Variants in MYO1F observed in about 807,000 individuals in gnomAD.
The protein encoded by MYO1F is unconventional myosin-If.
MYO1F carries 60 observed loss-of-function variants against 146.6 expected under a neutral mutation model. The ratio of observed to expected loss-of-function variants is 0.41; its 90% CI spans 0.33 to 0.51. The LOEUF is 0.51. Ranked by LOEUF, MYO1F falls within the 20% of genes least tolerant of loss-of-function variation. The pLI is 0.25. For synonymous variants in MYO1F, 602 were observed against 602.1 expected (o/e 1.00, Z 0.00); for missense variants, 1,274 against 1,534.3 (o/e 0.83, Z 2.83).
chr19:8,569,549 T>A (rs189476212), intron 1 of MYO1F, among the ~76,000 whole-genome samples: 101 of 151,914 alleles, frequency 6.6e-4, no homozygotes, highest in Non-Finnish European at 1.3e-3. Context: ...CTACTGTGCA[T>A]GGAGGTAGGT....
intron 1 of MYO1F, among the ~76,000 whole-genome samples, chr19:8,566,022 T>A (rs2041995647): frequency 6.6e-6 from 1 of 152,024 alleles, no homozygotes; most frequent in Non-Finnish European, 1.5e-5. Context: ...GGCAAGAGGA[T>A]CACTTGAGCC....
At chr19:8,573,965 A>G (rs2042156458) in intron 1 of MYO1F, among the ~76,000 whole-genome samples, 1 of 152,190 alleles carries the variant, frequency 6.6e-6, no homozygotes, top group Non-Finnish European at 1.5e-5. Context: ...AAAACCCAAC[A>G]TTGAACCAGC....
At chr19:8,540,285 T>C (rs1599945327) in intron 15 of MYO1F, 2 of 410,972 alleles carry the variant, frequency 4.9e-6, no homozygotes, top group South Asian at 6.5e-5. Context: ...CTCAAGCCAA[T>C]GTGTGAATGT....
chr19:8,563,240 G>T (rs538769857), intron 1 of MYO1F, among the ~76,000 whole-genome samples: 3 of 150,766 alleles, frequency 2.0e-5, no homozygotes, highest in African/African-American at 7.3e-5. Flanking sequence ...TGATCCACCC[G>T]CCTCGGCCTC....
intron 5 of MYO1F, 33 bp from the exon 6 acceptor site, chr19:8,553,261 C>G (rs1973691103): frequency 1.2e-6 from 2 of 1,612,436 alleles, no homozygotes; most frequent in Non-Finnish European, 1.7e-6. Flanking sequence ...GGGAAGAAGT[C>G]AGACTGAGGC....
At position 8,561,407 on chromosome 19, in the gene MYO1F, TCC is replaced by T. The variant is rs1568368788; in HGVS notation, c.4-5613_4-5612del. ...CCCCCTTCTTTCCTTCCTTCCTTTC[TCC>T]TCTCCCTCCCTTCCTTTCTCCTCTC... On this transcript the variant is annotated intron_variant, in intron 1 of 27. Coordinates refer to ENST00000644032, the MANE Select transcript of MYO1F (RefSeq NM_012335.4). 7.7e-4 allele frequency among the ~76,000 whole-genome samples: 37 copies of T among 48,094 alleles called. No homozygotes were observed. In the East Asian group the frequency reaches 0.071, roughly 93 times the overall value. The allele number at this position is 48,094 out of a possible 152,430, so 31.6% of individuals were successfully genotyped here. A position where few individuals can be genotyped will look rare whatever the true frequency, so the allele number is the denominator to read the frequency against.
rs751538870 is a variant in MYO1F at position 8,553,362 on chromosome 19, G to A, written c.402C>T (p.Gly134=). The change falls in exon 5 of 28, where the codon GGC becomes GGT. Residue 134 remains glycine (G), a synonymous_variant. Coordinates refer to ENST00000644032, the MANE Select transcript of MYO1F (RefSeq NM_012335.4). Reference sequence around the variant, plus strand: ...TTCCTCGTCTCACCTGGACCTTCTCGCCTCCGCCAGACACCTTGGAGATGT... The same window carrying A: ...TTCCTCGTCTCACCTGGACCTTCTCACCTCCGCCAGACACCTTGGAGATGT... ...MGYISKVSGG[G]EKVQHVKDII... 6 of 1,613,906 alleles carry A rather than the reference G, an allele frequency of 3.7e-6. No homozygotes were observed. The highest frequency in any genetic ancestry group is 1.6e-4 in the Middle Eastern group (1 of 6,082).
chr19:8,544,670 GTGTGGGGCTAC>G (rs1419044063), intron 13 of MYO1F, among the ~76,000 whole-genome samples: 1 of 152,002 alleles, frequency 6.6e-6, no homozygotes, highest in African/African-American at 2.4e-5. Flanking sequence ...GGGCAAGGGT[GTGTGGGGCTAC>G]TGTGGAAGCT....
intron 25 of MYO1F, among the ~76,000 whole-genome samples, chr19:8,523,409 C>T (rs963323632): frequency 1.3e-5 from 2 of 152,080 alleles, no homozygotes; most frequent in Non-Finnish European, 2.9e-5. Context: ...GTGGTACAAT[C>T]GTAGCTCACT....
rs760648457 is a variant in MYO1F, at chr19:8,536,346, C to T, written c.1949G>A (p.Arg650His). The part of the protein sequence containing the change: ...ETWPRWRGDE[R>H]QGVQHLLRAV... ...CCGAAGCAGGTGCTGGACGCCCTGGCGTTCGTCCCCACGCCACCGCGGCCA... is the reference window on the plus strand; with the variant it reads ...CCGAAGCAGGTGCTGGACGCCCTGGTGTTCGTCCCCACGCCACCGCGGCCA... Residue 650 changes from arginine to histidine, a missense_variant, in exon 19 of 28, where the codon CGC becomes CAC. Physicochemically the swap from Arg to His is conservative, Grantham distance 29. Around this residue, in one of 2 missense-constraint regions of MYO1F, gnomAD observed 900 missense variants for 1,155.1 expected, o/e 0.78. Transcript: ENST00000644032. 16 of 1,605,900 alleles carry T rather than the reference C, an allele frequency of 1.0e-5. No homozygotes were observed. Among genetic ancestry groups the T allele is most frequent in the African/African-American group, 2.7e-5 (2 of 74,416 alleles).
intron 16 of MYO1F, 136 bp from the exon 17 acceptor site, chr19:8,537,191 G>A: frequency 1.5e-6 from 1 of 668,524 alleles, no homozygotes; most frequent in South Asian, 1.6e-5. Flanking sequence ...TAAGCCACAG[G>A]GGCCAGATGT....
At chr19:8,544,256 C>T in intron 14 of MYO1F, 41 bp downstream of exon 14, 2 of 1,608,906 alleles carry the variant, frequency 1.2e-6, no homozygotes, top group Middle Eastern at 1.8e-4. Flanking sequence ...CCCTGGGGGT[C>T]TGCGAGGAGG....
intron 14 of MYO1F, among the ~76,000 whole-genome samples, chr19:8,542,604 C>CTT (rs61078650): frequency 1.5e-5 from 2 of 136,890 alleles, no homozygotes; most frequent in Non-Finnish European, 3.2e-5. Context: ...TGTTTGTTTG[C>CTT]TTTTTTTTTT....
In MYO1F at chr19:8,530,221, A is replaced by G. The variant is rs1972424049; in HGVS notation, c.2303T>C (p.Val768Ala). The G allele has an allele frequency of 6.2e-7, 1 of 1,613,876 alleles. No homozygotes were observed. Among genetic ancestry groups the G allele is most frequent in the African/African-American group, 1.3e-5 (1 of 74,868 alleles). ...KRERVDFADS[V>A]TKYDRRFKPI... ...CTTGAAGCGGCGGTCGTACTTGGTG[A>G]CCGAATCGGCGAAGTCCACCCGCTC... is the stretch of plus-strand genomic sequence containing the variant. Residue 768 changes from valine (V) to alanine (A), a missense_variant, in exon 21 of 28, where the codon GTC becomes GCC. By Grantham distance (64) the Val-to-Ala change is moderately conservative (BLOSUM62 0). Coordinates refer to ENST00000644032, the MANE Select transcript of MYO1F (RefSeq NM_012335.4). The surrounding 1 kb of genome is among the most constrained non-coding windows in gnomAD (Gnocchi z 5.8).
intron 1 of MYO1F, among the ~76,000 whole-genome samples, chr19:8,557,110 A>AC (rs773071451): frequency 1.3e-5 from 2 of 151,780 alleles, no homozygotes; most frequent in Non-Finnish European, 2.9e-5. Flanking sequence ...ACATAGTGAG[A>AC]CCCCCATCTC....
intron 8 of MYO1F, chr19:8,551,421 G>GGT: frequency 3.4e-6 from 1 of 296,384 alleles, no homozygotes; most frequent in South Asian, 3.0e-5. Context: ...GTGTGATCTC[G>GGT]GCTCACTGCA....
At chr19:8,543,910 T>G (rs1599956368) in intron 14 of MYO1F, among the ~76,000 whole-genome samples, 1 of 93,194 alleles carries the variant, frequency 1.1e-5, no homozygotes. Context: ...GTGGTGGTGG[T>G]GGTGGTGGTG....
chr19:8,561,154 G>A (rs1163628278), intron 1 of MYO1F, among the ~76,000 whole-genome samples: 1 of 152,152 alleles, frequency 6.6e-6, no homozygotes, highest in East Asian at 1.9e-4. Context: ...AAAATGCTGG[G>A]ATTACAGGTG....
chr19:8,542,230 A>G (rs569177115), intron 14 of MYO1F, among the ~76,000 whole-genome samples: 1 of 148,954 alleles, frequency 6.7e-6, no homozygotes, highest in South Asian at 2.1e-4. Context: ...GCTGTATCCC[A>G]GGTCAGAGGT....
Sources: gnomAD v4.1 joint callset for allele counts (sites outside exome capture counted in the v4.1 genomes callset) on GRCh38, gnomAD v4.1.1 for gene constraint, gnomAD v4.1.1 regional missense constraint, Gnocchi (gnomAD v3.1) non-coding constraint, MANE v1.5 for transcripts, NCBI Gene and HGNC (gene_info 2026-07-23, HGNC 2026-07-21) for gene names.